NBEAL1: variants seen among roughly 807,000 people sequenced by gnomAD.
NBEAL1 encodes neurobeachin-like protein 1.
In NBEAL1, 273 loss-of-function variants were observed where a neutral mutation model predicts 351.3. That is an observed-to-expected ratio of 0.78 (90% CI 0.70 to 0.86). NBEAL1 has a LOEUF of 0.86. Ranked by LOEUF, NBEAL1 falls within the 40% of genes least tolerant of loss-of-function variation. NBEAL1 has a pLI of 0.00. For missense variants in NBEAL1, 2,961 were observed against 3,201.3 expected, an observed-to-expected ratio of 0.92 and a Z score of 1.81; for synonymous variants, 1,050 against 1,086.4, an observed-to-expected ratio of 0.97 and a Z score of 0.66.
intron 20 of NBEAL1, 78 bp downstream of exon 20, chr2:203,125,598 T>G: frequency 8.0e-7 from 1 of 1,257,306 alleles, no homozygotes; most frequent in Non-Finnish European, 1.0e-6. Flanking sequence ...AATGTTTTAC[T>G]GTCATTAGGA....
intron 46 of NBEAL1, chr2:203,191,032 C>T (rs2065063751): frequency 6.2e-7 from 1 of 1,601,500 alleles, no homozygotes; most frequent in Admixed American, 1.7e-5. Flanking sequence ...CATCAAAGCC[C>T]TCAAGGAACC....
Position 203,224,698 on chromosome 2 carries a change from C to T in NBEAL1, c.*7344C>T, listed in dbSNP as rs951434020. Among the ~76,000 whole-genome samples the T allele has an allele frequency of 6.6e-6, 1 of 152,080 alleles. No individual in the cohort carries two copies. The highest frequency in any genetic ancestry group is 2.4e-5 in the African/African-American group (1 of 41,436). ...AGTTGTGTATTTATCTTAAAATGTTCCTTCTCACTTATTCTACTGGAATTG... is the reference window on the plus strand; with the variant it reads ...AGTTGTGTATTTATCTTAAAATGTTTCTTCTCACTTATTCTACTGGAATTG... On this transcript the variant is annotated 3_prime_UTR_variant, in exon 56 of 56. Coordinates refer to ENST00000683969, the MANE Select transcript of NBEAL1 (RefSeq NM_001378026.1).
intron 2 of NBEAL1, among the ~76,000 whole-genome samples, chr2:203,018,375 C>G (rs1463025858): frequency 6.6e-6 from 1 of 151,732 alleles, no homozygotes; most frequent in African/African-American, 2.4e-5. Context: ...TCTTAGACCT[C>G]TTTGTGAGCT....
chr2:203,176,982 T>C (rs1446875123), intron 42 of NBEAL1, among the ~76,000 whole-genome samples: 1 of 151,540 alleles, frequency 6.6e-6, no homozygotes, highest in Admixed American at 6.6e-5. Flanking sequence ...CAAAACCCCA[T>C]CTCTACAAAA....
intron 15 of NBEAL1, among the ~76,000 whole-genome samples, chr2:203,110,852 G>GCCT: frequency 7.4e-6 from 1 of 134,412 alleles, no homozygotes; most frequent in Non-Finnish European, 1.5e-5. Flanking sequence ...TGCAACCTCT[G>GCCT]CCTCCCGGGT....
At chr2:203,159,287 T>G (rs1259179618) in intron 36 of NBEAL1, among the ~76,000 whole-genome samples, 1 of 152,094 alleles carries the variant, frequency 6.6e-6, no homozygotes, top group Non-Finnish European at 1.5e-5. Flanking sequence ...TTTTCACAAG[T>G]TTGTGCAACC....
chr2:203,151,514 C>T lies in NBEAL1; in HGVS notation c.5512C>T (p.Arg1838Cys), dbSNP rs750921781. ...WKLANVENYS[R>C]MRLKLVPNYN... The stretch of plus-strand genomic sequence containing the variant: ...GCTAGCTAATGTAGAGAATTATTCC[C>T]GCATGAGACTTAAGCTGGTACCGAA... Residue 1838 changes from arginine to cysteine, a missense_variant, in exon 35 of 56, where the codon CGC becomes TGC. Arg to Cys is a radical substitution (Grantham distance 180, BLOSUM62 -3). Coordinates refer to ENST00000683969, the MANE Select transcript of NBEAL1 (RefSeq NM_001378026.1). The T allele has an allele frequency of 1.5e-5, 24 of 1,609,144 alleles. No homozygotes were observed. The highest frequency in any genetic ancestry group is 1.1e-5 in the South Asian group (1 of 90,226).
rs754602217 is a variant in NBEAL1 at position 203,220,846 on chromosome 2, G to A, written c.*3492G>A. 5.3e-5 allele frequency among the ~76,000 whole-genome samples: 8 copies of A among 152,118 alleles called. No individual in the cohort carries two copies. Among genetic ancestry groups the A allele is most frequent in the African/African-American group, 1.7e-4 (7 of 41,450 alleles). On this transcript the variant is annotated 3_prime_UTR_variant, in exon 56 of 56. Transcript: ENST00000683969. ...TTTCTTTTTAGCCTGTGAAGCTCAC[G>A]TCTGTTATTAAGTTAATAACAAAAT...
chr2:203,122,378 A>T (rs776483740), intron 19 of NBEAL1, 35 bp downstream of exon 19: 2 of 1,254,868 alleles, frequency 1.6e-6, no homozygotes, highest in African/African-American at 3.0e-5. Flanking sequence ...AACATCTTAC[A>T]TAATTTACTG....
At chr2:203,071,736 A>G (rs2061685848) in intron 7 of NBEAL1, among the ~76,000 whole-genome samples, 1 of 152,202 alleles carries the variant, frequency 6.6e-6, no homozygotes, top group Non-Finnish European at 1.5e-5. Context: ...TGTGAAAACA[A>G]ATAAGTTATA....
At chr2:203,125,834 G>T (rs2062925530) in intron 20 of NBEAL1, 126 bp from the exon 21 acceptor site, 1 of 742,588 alleles carries the variant, frequency 1.3e-6, no homozygotes, top group East Asian at 3.0e-5. Flanking sequence ...TTGTACAATA[G>T]AGCGTTGGAA....
At chr2:203,110,115 A>G in intron 14 of NBEAL1, 35 bp from the exon 15 acceptor site, 1 of 1,532,178 alleles carries the variant, frequency 6.5e-7, no homozygotes, top group Non-Finnish European at 8.8e-7. Context: ...TGAACAACCA[A>G]CTTTAAAAGT....
intron 37 of NBEAL1, among the ~76,000 whole-genome samples, chr2:203,166,514 T>C (rs1028321991): frequency 6.6e-6 from 1 of 152,118 alleles, no homozygotes; most frequent in African/African-American, 2.4e-5. Flanking sequence ...TAGAGGGAAT[T>C]GCTGTAAACT....
intron 12 of NBEAL1, among the ~76,000 whole-genome samples, chr2:203,107,176 G>C (rs1023903342): frequency 6.6e-6 from 1 of 151,906 alleles, no homozygotes; most frequent in African/African-American, 2.4e-5. Context: ...CTATAACACA[G>C]TTATTGTTAA....
At chr2:203,095,327 T>C (rs2062158979) in intron 10 of NBEAL1, among the ~76,000 whole-genome samples, 1 of 152,036 alleles carries the variant, frequency 6.6e-6, no homozygotes, top group East Asian at 1.9e-4. Flanking sequence ...GAAGTTTTGC[T>C]CTTGTTGACC....
rs576590411 is a variant in NBEAL1 at position 203,172,635 on chromosome 2, C to A, written c.6199-94C>A. The A allele has an allele frequency of 2.8e-6, 3 of 1,053,524 alleles. No individual in the cohort carries two copies. In the South Asian group the frequency reaches 7.3e-5, roughly 26 times the overall value. The allele number at this position is 1,053,524 out of a possible 1,614,324, so 65.3% of individuals were successfully genotyped here. Reference sequence around the variant, plus strand: ...GGAAAAAATATTTTTAGAGACTATCCCTTTTTGTCTTTAGATAACCATTTG... The same window carrying A: ...GGAAAAAATATTTTTAGAGACTATCACTTTTTGTCTTTAGATAACCATTTG... On this transcript the variant is annotated intron_variant, in intron 40 of 55. Transcript: ENST00000683969.
At chr2:203,157,455 A>G (rs528829194) in intron 35 of NBEAL1, among the ~76,000 whole-genome samples, 3 of 152,146 alleles carry the variant, frequency 2.0e-5, no homozygotes, top group Non-Finnish European at 4.4e-5. Context: ...GAAACAAATA[A>G]TACTGTTATT....
At chr2:203,173,196 G>A (rs1254066799) in intron 41 of NBEAL1, among the ~76,000 whole-genome samples, 2 of 152,052 alleles carry the variant, frequency 1.3e-5, no homozygotes, top group Non-Finnish European at 2.9e-5. Context: ...ACATATTAAA[G>A]TATCTGTCTA....
At chr2:203,172,705 A>G in intron 40 of NBEAL1, 24 bp from the exon 41 acceptor site, 1 of 1,594,564 alleles carries the variant, frequency 6.3e-7, no homozygotes, top group African/African-American at 1.3e-5. Flanking sequence ...GGAATGTCTA[A>G]ATTGTAAATT....
Sources: allele counts gnomAD v4.1 joint callset (sites outside exome capture counted in the v4.1 genomes callset), GRCh38; gene constraint gnomAD v4.1.1; transcripts MANE v1.5; gene names NCBI Gene and HGNC (gene_info 2026-07-23, HGNC 2026-07-21).